The following TIAM1 variants were observed in gnomAD, a reference collection of about 807,000 sequenced individuals.
The protein encoded by TIAM1 is rho guanine nucleotide exchange factor TIAM1.
In TIAM1, 65 loss-of-function variants were observed where a neutral mutation model predicts 163.5. That is an observed-to-expected ratio of 0.40 (90% confidence interval 0.33 to 0.49). The LOEUF (loss-of-function observed/expected upper bound fraction) is 0.49. Ranked by LOEUF, TIAM1 falls within the 20% of genes least tolerant of loss-of-function variation. The probability of loss-of-function intolerance (pLI) is 0.77; values close to 1 mark genes in which losing one functional copy is unlikely to be tolerated. For synonymous variants in TIAM1, 833 were observed against 810.1 expected (o/e 1.03, Z -0.48); for missense variants, 1,789 against 2,044.7 (o/e 0.87, Z 2.41).
chr21:31,451,760 T>TGTGTGTGTGTGTGTGTGA (rs1491328799), intron 2 of TIAM1, among the ~76,000 whole-genome samples: 2 of 138,120 alleles, frequency 1.4e-5, no homozygotes, highest in African/African-American at 5.8e-5. Flanking sequence ...TGTGTGTGTG[T>TGTGTGTGTGTGTGTGTGA]GAGACACAGA....
At chr21:31,454,298 T>C (rs549730491) in intron 2 of TIAM1, among the ~76,000 whole-genome samples, 94 of 152,314 alleles carry the variant, frequency 6.2e-4, no homozygotes, top group Admixed American at 3.4e-3. Context: ...AGGCAGTCAT[T>C]AAGCAATGAG....
At chr21:31,419,126 C>T (rs562455034) in intron 2 of TIAM1, among the ~76,000 whole-genome samples, 25 of 152,268 alleles carry the variant, frequency 1.6e-4, no homozygotes, top group Non-Finnish European at 2.4e-4. Context: ...CCAACCTCCT[C>T]GCTTCTCCTC....
chr21:31,217,848 T>C, intron 8 of TIAM1, 149 bp from the exon 9 acceptor site: 2 of 875,026 alleles, frequency 2.3e-6, no homozygotes, highest in South Asian at 4.8e-5. Flanking sequence ...ATTCAATCCA[T>C]GACCCAGACA....
intron 1 of TIAM1, among the ~76,000 whole-genome samples, chr21:31,548,579 C>T: frequency 6.6e-6 from 1 of 151,982 alleles, no homozygotes; most frequent in East Asian, 1.9e-4. Context: ...AACTCTGCTC[C>T]TGGGCTCAAA....
chr21:31,118,762 A>T lies in TIAM1; in HGVS notation c.*1606T>A. The T allele has an allele frequency of 2.5e-6, 1 of 395,430 alleles. No individual in the cohort carries two copies. Among genetic ancestry groups the T allele is most frequent in the Non-Finnish European group, 5.1e-6 (1 of 194,996 alleles). 24.5% of individuals were successfully genotyped at this position (395,430 alleles called of 1,614,324 possible). On this transcript the variant is annotated 3_prime_UTR_variant, in exon 28 of 28. Coordinates refer to ENST00000541036, the MANE Select transcript of TIAM1 (RefSeq NM_001353694.2). The stretch of plus-strand genomic sequence containing the variant: ...TAAAGCTTTTTCAGAAAACCAGAAG[A>T]TATAGCAAAAATTTAATAGAATAAA...
At chr21:31,346,477 C>T (rs1045500282), upstream of TIAM1, among the ~76,000 whole-genome samples, 4 of 152,088 alleles carry the variant, frequency 2.6e-5, no homozygotes, top group South Asian at 2.1e-4. Flanking sequence ...TACTGACTTA[C>T]GCTGAATCTG....
Position 31,191,406 on chromosome 21 carries a change from G to A in TIAM1, c.2575+3818C>T, listed in dbSNP as rs146818292. On this transcript the variant is annotated intron_variant, in intron 13 of 27. Transcript: ENST00000541036. ...CTTGACCTCATGATCTGCCCACCTC[G>A]GCCTCCCAAAATGCTGGGATTACAG... Among the ~76,000 whole-genome samples the A allele has an allele frequency of 3.4e-3, 515 of 152,114 alleles. 2 individuals carry two copies. The highest frequency in any genetic ancestry group is 0.011 in the African/African-American group (468 of 41,498).
At chr21:31,193,317 T>C (rs913266060) in intron 13 of TIAM1, among the ~76,000 whole-genome samples, 1 of 152,168 alleles carries the variant, frequency 6.6e-6, no homozygotes. Flanking sequence ...TAAACTGTGG[T>C]ACAAACAATG....
rs1393387350 is a variant in TIAM1 at position 31,396,083 on chromosome 21, A to G, written c.-368-56661T>C. Among the ~76,000 whole-genome samples the G allele has an allele frequency of 3.3e-5, 5 of 152,334 alleles. No individual in the cohort carries two copies. In the East Asian group the frequency reaches 9.6e-4, roughly 29 times the overall value. ...TAATTACAGCTAGCAGTTAATTATT[A>G]TATGATGGGAATTGTAATCAAAGTA... On this transcript the variant is annotated intron_variant, in intron 2 of 28. Transcript: ENST00000286827.
intron 1 of TIAM1, among the ~76,000 whole-genome samples, chr21:31,471,124 C>CA (rs1237187439): frequency 6.6e-6 from 1 of 152,176 alleles, no homozygotes; most frequent in African/African-American, 2.4e-5. Context: ...AGTCTCCAGG[C>CA]AGCAAACCAG....
At chr21:31,178,158 A>G (rs529265426) in intron 15 of TIAM1, among the ~76,000 whole-genome samples, 3 of 152,242 alleles carry the variant, frequency 2.0e-5, no homozygotes, top group Admixed American at 6.5e-5. Context: ...ATTTGCCTCC[A>G]CTTTTATCTT....
At chr21:31,173,525 C>T (rs1272297450) in intron 15 of TIAM1, among the ~76,000 whole-genome samples, 2 of 118,236 alleles carry the variant, frequency 1.7e-5, no homozygotes, top group South Asian at 5.1e-4. Context: ...AAAGAGAGAG[C>T]GAGAGAAAGA....
chr21:31,527,880 A>G (rs902045410), intron 1 of TIAM1, among the ~76,000 whole-genome samples: 1 of 152,126 alleles, frequency 6.6e-6, no homozygotes, highest in African/African-American at 2.4e-5. Flanking sequence ...TACCCTTCAG[A>G]AACAGATTTG....
At chr21:31,132,384 A>T (rs769943484) in intron 23 of TIAM1, among the ~76,000 whole-genome samples, 27 of 152,160 alleles carry the variant, frequency 1.8e-4, no homozygotes, top group Non-Finnish European at 2.8e-4. Flanking sequence ...TTCCCAGAGC[A>T]CAGACTGGCA....
At chr21:31,210,332 A>G in intron 10 of TIAM1, 117 bp from the exon 11 acceptor site, 2 of 1,106,934 alleles carry the variant, frequency 1.8e-6, no homozygotes, top group East Asian at 4.8e-5. Context: ...GCAGAAGCGG[A>G]GGCAGTGGTG....
chr21:31,123,229 T>C (rs2146203519), intron 27 of TIAM1, among the ~76,000 whole-genome samples: 1 of 152,340 alleles, frequency 6.6e-6, no homozygotes. Context: ...GATTAACAAC[T>C]GAAACAGGTT....
At chr21:31,517,521 G>A (rs1388509426) in intron 1 of TIAM1, among the ~76,000 whole-genome samples, 2 of 152,252 alleles carry the variant, frequency 1.3e-5, no homozygotes, top group South Asian at 2.1e-4. Context: ...GAGAGTCCAC[G>A]TAGATCTAAG....
rs1432287953 is a variant in TIAM1, at chr21:31,223,555, T to C, written c.1846A>G (p.Met616Val). ...VWEQNLEQFQ[M>V]DLFRFRCYLA... ...TAACAGCGGAAACGAAACAGGTCCA[T>C]TTGGAACTGCTCGAGATTTTGCTCC... Residue 616 changes from methionine to valine, a missense_variant, in exon 8 of 28, where the codon ATG (methionine) becomes GTG (valine). Physicochemically the swap from Met to Val is conservative, Grantham distance 21. Around this residue, in one of 5 missense-constraint regions of TIAM1, gnomAD observed 456 missense variants for 586.6 expected, o/e 0.78. Coordinates refer to ENST00000541036, the MANE Select transcript of TIAM1 (RefSeq NM_001353694.2). 2 of 1,606,200 alleles carry C rather than the reference T, an allele frequency of 1.2e-6. No individual in the cohort carries two copies. Among genetic ancestry groups the C allele is most frequent in the Non-Finnish European group, 1.7e-6 (2 of 1,175,606 alleles).
chr21:31,531,575 A>C (rs9981279), intron 1 of TIAM1, among the ~76,000 whole-genome samples: 51,885 of 151,960 alleles, frequency 0.34, 9,268 homozygotes, highest in Non-Finnish European at 0.39. Context: ...AAACAGTAGC[A>C]TACATTATAG....
Sources: allele counts gnomAD v4.1 joint callset (sites outside exome capture counted in the v4.1 genomes callset), GRCh38; gene constraint gnomAD v4.1.1; regional missense constraint gnomAD v4.1.1; transcripts MANE v1.5; gene names NCBI Gene and HGNC (gene_info 2026-07-23, HGNC 2026-07-21).